RPS6KC1: variants seen among roughly 807,000 people sequenced by gnomAD.
The protein encoded by RPS6KC1 is ribosomal protein S6 kinase C1, also known as inactive ribosomal protein S6 kinase delta-1.
Under a neutral mutation model 103.8 loss-of-function variants are expected in RPS6KC1, and 54 were observed. That is an observed-to-expected ratio of 0.52 (90% CI 0.42 to 0.65). The LOEUF is 0.65. RPS6KC1 is among the 30% of genes least tolerant of loss of function. RPS6KC1 has a pLI of 0.00. For synonymous variants in RPS6KC1, 439 were observed against 438.7 expected, an observed-to-expected ratio of 1.00 and a Z score of -0.01; for missense variants, 1,151 against 1,253.8, an observed-to-expected ratio of 0.92 and a Z score of 1.24.
chr1:213,380,099 A>G, the RPS6KC1 span, among the ~76,000 whole-genome samples: 1 of 152,258 alleles, frequency 6.6e-6, no homozygotes, highest in Non-Finnish European at 1.5e-5. Flanking sequence ...GGTAGACTGG[A>G]TAAAGAAAAT....
At chr1:213,383,347 C>T in the RPS6KC1 span, among the ~76,000 whole-genome samples, 1 of 152,134 alleles carries the variant, frequency 6.6e-6, no homozygotes, top group Non-Finnish European at 1.5e-5. Context: ...CCACCAGAAG[C>T]CCCCTTTACC....
the RPS6KC1 span, among the ~76,000 whole-genome samples, chr1:213,739,054 C>A: frequency 6.6e-6 from 1 of 151,666 alleles, no homozygotes; most frequent in Non-Finnish European, 1.5e-5. Context: ...TTGAACAACA[C>A]GGGTTTGAAC....
At chr1:213,288,942 G>A in the RPS6KC1 span, among the ~76,000 whole-genome samples, 12 of 152,226 alleles carry the variant, frequency 7.9e-5, no homozygotes, top group African/African-American at 2.9e-4. Context: ...CTTGTTGTTT[G>A]TTTGTTTGTC....
intron 6 of RPS6KC1, among the ~76,000 whole-genome samples, chr1:213,162,811 A>G (rs2090610876): frequency 6.6e-6 from 1 of 152,256 alleles, no homozygotes. Context: ...TAATTGAGGC[A>G]TTGCCTGGGC....
chr1:213,510,534 A>G, the RPS6KC1 span, among the ~76,000 whole-genome samples: 2 of 152,186 alleles, frequency 1.3e-5, no homozygotes, highest in African/African-American at 2.4e-5. Flanking sequence ...AGTTGTAAAA[A>G]TAACTCCTTG....
chr1:213,714,399 A>G, the RPS6KC1 span, among the ~76,000 whole-genome samples: 1 of 152,256 alleles, frequency 6.6e-6, no homozygotes, highest in Admixed American at 6.5e-5. Flanking sequence ...CCAGTAGATT[A>G]TCTTTCCCTT....
At chr1:213,426,752 G>T in the RPS6KC1 span, among the ~76,000 whole-genome samples, 58,605 of 151,984 alleles carry the variant, frequency 0.39, 12,315 homozygotes, top group East Asian at 0.54. Context: ...TTTTGCTTTT[G>T]TGTATTCTTT....
the RPS6KC1 span, among the ~76,000 whole-genome samples, chr1:213,748,698 C>G: frequency 4.6e-5 from 7 of 152,346 alleles, no homozygotes; most frequent in Non-Finnish European, 1.0e-4. Flanking sequence ...AAGGCCATCT[C>G]AGGCAATACT....
At chr1:213,462,497 AC>A in the RPS6KC1 span, among the ~76,000 whole-genome samples, 1 of 152,260 alleles carries the variant, frequency 6.6e-6, no homozygotes, top group Non-Finnish European at 1.5e-5. Flanking sequence ...AAGACTTGGA[AC>A]CAACCCAAAT....
At chr1:213,776,195 C>T in the RPS6KC1 span, among the ~76,000 whole-genome samples, 1 of 152,100 alleles carries the variant, frequency 6.6e-6, no homozygotes, top group African/African-American at 2.4e-5. Context: ...TCCTGAATCA[C>T]GAGTGTTCTT....
the RPS6KC1 span, among the ~76,000 whole-genome samples, chr1:213,585,422 G>C: frequency 6.6e-6 from 1 of 152,248 alleles, no homozygotes; most frequent in East Asian, 1.9e-4. Context: ...AGAATGAAAA[G>C]TGTTCCACCC....
intron 13 of RPS6KC1, among the ~76,000 whole-genome samples, chr1:213,262,510 T>C (rs1404196862): frequency 6.6e-6 from 1 of 152,212 alleles, no homozygotes; most frequent in Non-Finnish European, 1.5e-5. Flanking sequence ...CATAAGCTTA[T>C]GATGTGATCA....
the RPS6KC1 span, among the ~76,000 whole-genome samples, chr1:213,628,830 T>C: frequency 1.3e-5 from 2 of 152,202 alleles, no homozygotes; most frequent in Admixed American, 1.3e-4. Flanking sequence ...CTGCCTTCAT[T>C]TCGTTATGTA....
intron 2 of RPS6KC1, among the ~76,000 whole-genome samples, chr1:213,075,834 G>A (rs148027149): frequency 2.6e-4 from 40 of 152,062 alleles, no homozygotes; most frequent in African/African-American, 9.4e-4. Flanking sequence ...CTTCACCCCC[G>A]GTGCCCTCCC....
At chr1:213,231,973 G>C (rs2094114073) in intron 9 of RPS6KC1, 150 bp from the exon 10 acceptor site, 3 of 900,294 alleles carry the variant, frequency 3.3e-6, no homozygotes, top group East Asian at 5.4e-5. Context: ...TCCAGGGACT[G>C]GGGGGCATAG....
chr1:213,860,696 T>G, the RPS6KC1 span, among the ~76,000 whole-genome samples: 3 of 152,184 alleles, frequency 2.0e-5, no homozygotes, highest in Non-Finnish European at 4.4e-5. Flanking sequence ...CTAATTGGAC[T>G]TCAGTGCAAG....
the RPS6KC1 span, among the ~76,000 whole-genome samples, chr1:213,594,314 G>T: frequency 1.1e-3 from 164 of 152,072 alleles, no homozygotes; most frequent in African/African-American, 3.8e-3. Flanking sequence ...AAGATTTAGC[G>T]CAAAAAGGGG....
At chr1:213,402,842 G>A in the RPS6KC1 span, among the ~76,000 whole-genome samples, 420 of 151,628 alleles carry the variant, frequency 2.8e-3, 5 homozygotes, top group African/African-American at 9.5e-3. Context: ...CACATCACGG[G>A]GTAATTAAAA....
chr1:213,229,940 T>A (rs905679381), intron 8 of RPS6KC1, among the ~76,000 whole-genome samples: 1 of 152,154 alleles, frequency 6.6e-6, no homozygotes, highest in Middle Eastern at 3.2e-3. Flanking sequence ...ATCAGAGTAA[T>A]AACTGTGGAA....
Sources: gnomAD v4.1 joint callset for allele counts (sites outside exome capture counted in the v4.1 genomes callset) on GRCh38, gnomAD v4.1.1 for gene constraint, MANE v1.5 for transcripts, NCBI Gene and HGNC (gene_info 2026-07-23, HGNC 2026-07-21) for gene names.